Variants in CADPS2 observed in about 807,000 individuals in gnomAD.
CADPS2 encodes the protein calcium dependent secretion activator 2.
In CADPS2, 93 loss-of-function variants were observed where a neutral mutation model predicts 172.5. The ratio of observed to expected loss-of-function variants is 0.54; its 90% CI spans 0.46 to 0.64. The LOEUF is 0.64. Among genes scored for constraint, CADPS2 ranks in the 30% least tolerant of loss-of-function variants. CADPS2 has a pLI of 0.00. For missense variants in CADPS2, 1,420 were observed against 1,565.9 expected (o/e 0.91, Z 1.57); for synonymous variants, 546 against 555.2 (o/e 0.98, Z 0.23).
chr7:122,802,471 C>A lies in CADPS2; in HGVS notation c.340-65403G>T, dbSNP rs551686714. Among the ~76,000 whole-genome samples the A allele has an allele frequency of 5.8e-4, 88 of 152,258 alleles. No individual in the cohort carries two copies. In the South Asian group the frequency reaches 0.011, roughly 19 times the overall value. On this transcript the variant is annotated intron_variant, in intron 1 of 29. Coordinates refer to ENST00000449022, the MANE Select transcript of CADPS2 (RefSeq NM_017954.11). ...CAGCCCCCAAAAATCCGTTCTTGGA[C>A]TTCTTTATTTAAGGTAGGCAAGCAC...
chr7:122,591,195 GACAA>G (rs1157653810), intron 6 of CADPS2, among the ~76,000 whole-genome samples: 3 of 151,956 alleles, frequency 2.0e-5, no homozygotes, highest in Non-Finnish European at 4.4e-5. Flanking sequence ...ACCAATAACA[GACAA>G]ACAGAGAGCC....
chr7:122,629,510 G>A (rs183039691), intron 3 of CADPS2, among the ~76,000 whole-genome samples, 182 bp from the exon 4 acceptor site: 2 of 152,222 alleles, frequency 1.3e-5, no homozygotes, highest in East Asian at 3.9e-4. Flanking sequence ...TGGCAGACCA[G>A]ATAAATTTCT....
intron 3 of CADPS2, among the ~76,000 whole-genome samples, chr7:122,638,905 A>C (rs1470124936): frequency 1.3e-5 from 2 of 152,066 alleles, no homozygotes; most frequent in Non-Finnish European, 2.9e-5. Context: ...GTCCATGTTT[A>C]CTCGTCACTA....
chr7:122,858,157 G>T (rs1268792717), intron 1 of CADPS2, among the ~76,000 whole-genome samples: 1 of 152,006 alleles, frequency 6.6e-6, no homozygotes, highest in African/African-American at 2.4e-5. Flanking sequence ...TTTACATAGT[G>T]CCAATTGGTC....
rs1243873745 is a variant in CADPS2 at position 122,886,357 on chromosome 7, C to A, written c.-20G>T. ...CAGCATGGTGCTCGGGGATCCCCGC[C>A]GCTCGGCCCGCGGTCCCCAAGCGCC... On this transcript the variant is annotated 5_prime_UTR_variant, in exon 1 of 30. Transcript: ENST00000449022. 2.7e-6 allele frequency: 4 copies of A among 1,488,816 alleles called. No homozygotes were observed. In the African/African-American group the frequency reaches 5.8e-5, roughly 22 times the overall value. 92.2% of individuals were successfully genotyped at this position (1,488,816 alleles called of 1,614,324 possible).
intron 3 of CADPS2, among the ~76,000 whole-genome samples, chr7:122,636,819 T>C (rs1038196990): frequency 2.6e-5 from 4 of 152,126 alleles, no homozygotes; most frequent in Admixed American, 2.6e-4. Flanking sequence ...CTGATGGCTA[T>C]GTGCCTTGGG....
chr7:122,804,894 C>T (rs1019237408), intron 1 of CADPS2, among the ~76,000 whole-genome samples: 13 of 152,082 alleles, frequency 8.5e-5, no homozygotes, highest in African/African-American at 2.9e-4. Context: ...AATAGGCTTA[C>T]TAAAATTGTA....
intron 5 of CADPS2, among the ~76,000 whole-genome samples, chr7:122,620,781 T>C (rs1201296229): frequency 6.6e-6 from 1 of 152,152 alleles, no homozygotes; most frequent in Admixed American, 6.5e-5. Flanking sequence ...ATGGGTAAAG[T>C]AGATTTAAAA....
chr7:122,559,207 G>T (rs1476444127), intron 7 of CADPS2, among the ~76,000 whole-genome samples: 4 of 152,100 alleles, frequency 2.6e-5, no homozygotes, highest in Non-Finnish European at 5.9e-5. Flanking sequence ...GCTGACATGG[G>T]GTAGGGGATG....
chr7:122,511,716 C>T (rs2060016266), intron 9 of CADPS2, among the ~76,000 whole-genome samples: 1 of 152,238 alleles, frequency 6.6e-6, no homozygotes, highest in Non-Finnish European at 1.5e-5. Flanking sequence ...AAAGAAGCTG[C>T]TGTTTCCATG....
intron 2 of CADPS2, chr7:122,701,566 T>A (rs1168912307): frequency 5.0e-6 from 1 of 201,992 alleles, no homozygotes; most frequent in East Asian, 1.2e-4. Context: ...GTTGTGCCCA[T>A]GTACCCTAAA....
chr7:122,507,457 A>G (rs2059691277), intron 9 of CADPS2, among the ~76,000 whole-genome samples: 1 of 152,138 alleles, frequency 6.6e-6, no homozygotes, highest in South Asian at 2.1e-4. Context: ...TGGTGACTTG[A>G]AGGTGCTAAA....
chr7:122,333,732 G>A (rs1483021811), intron 28 of CADPS2, among the ~76,000 whole-genome samples: 1 of 152,098 alleles, frequency 6.6e-6, no homozygotes, highest in Non-Finnish European at 1.5e-5. Flanking sequence ...GCACAATGTA[G>A]TTCATGTCTC....
chr7:122,621,391 A>T, intron 5 of CADPS2, 90 bp downstream of exon 5: 2 of 858,480 alleles, frequency 2.3e-6, no homozygotes, highest in Non-Finnish European at 3.8e-6. Context: ...ACACTGTTTT[A>T]AATTCTAAAA....
intron 6 of CADPS2, among the ~76,000 whole-genome samples, chr7:122,591,475 G>A (rs947051918): frequency 6.6e-6 from 1 of 151,904 alleles, no homozygotes; most frequent in Non-Finnish European, 1.5e-5. Flanking sequence ...TCACAGAATT[G>A]GAAAAAACTA....
At chr7:122,776,428 T>C (rs188474070) in intron 1 of CADPS2, among the ~76,000 whole-genome samples, 27 of 152,194 alleles carry the variant, frequency 1.8e-4, no homozygotes, top group African/African-American at 6.0e-4. Flanking sequence ...GATTTCTTCA[T>C]AGTGGTATGA....
At chr7:122,628,422 T>C (rs1194155299) in intron 4 of CADPS2, among the ~76,000 whole-genome samples, 2 of 152,062 alleles carry the variant, frequency 1.3e-5, no homozygotes, top group Admixed American at 6.6e-5. Context: ...GTGCAGTTTA[T>C]TGTATACATG....
At chr7:122,851,455 G>T (rs1813605751) in intron 1 of CADPS2, among the ~76,000 whole-genome samples, 1 of 152,198 alleles carries the variant, frequency 6.6e-6, no homozygotes, top group Non-Finnish European at 1.5e-5. Flanking sequence ...CCCACAGCAG[G>T]AAGCCTGAGG....
At chr7:122,759,869 A>C (rs542719737) in intron 1 of CADPS2, among the ~76,000 whole-genome samples, 31 of 152,262 alleles carry the variant, frequency 2.0e-4, no homozygotes, top group African/African-American at 7.2e-4. Flanking sequence ...AGCAAAATCT[A>C]AATAGGATTA....
Sources: allele counts gnomAD v4.1 joint callset (sites outside exome capture counted in the v4.1 genomes callset), GRCh38; gene constraint gnomAD v4.1.1; transcripts MANE v1.5; gene names NCBI Gene and HGNC (gene_info 2026-07-23, HGNC 2026-07-21).